Variants in ZNF560 observed in about 807,000 individuals in gnomAD.
ZNF560 encodes zinc finger protein 560.
Under a neutral mutation model 81.8 loss-of-function variants are expected in ZNF560, and 54 were observed. That is an observed-to-expected ratio of 0.66 (90% CI 0.53 to 0.83). The LOEUF (loss-of-function observed/expected upper bound fraction) is 0.83. Among genes scored for constraint, ZNF560 ranks in the 40% least tolerant of loss-of-function variants. The pLI, the probability that ZNF560 is intolerant of heterozygous loss-of-function variation, is 0.00. For missense variants in ZNF560, 940 were observed against 932.4 expected (o/e 1.01, Z -0.11); for synonymous variants, 321 against 317.9 (o/e 1.01, Z -0.10).
the ZNF560 span, among the ~76,000 whole-genome samples, chr19:9,460,308 A>G: frequency 6.6e-6 from 1 of 152,360 alleles, no homozygotes; most frequent in South Asian, 2.1e-4. Context: ...ATGGTGGAAG[A>G]AAACCTGAGG....
the ZNF560 span, among the ~76,000 whole-genome samples, chr19:9,506,147 C>T: frequency 6.6e-6 from 1 of 150,792 alleles, no homozygotes; most frequent in African/African-American, 2.4e-5. Context: ...TACGCACCAC[C>T]ACGCCTGGGT....
the ZNF560 span, among the ~76,000 whole-genome samples, chr19:9,460,741 T>C: frequency 6.6e-6 from 1 of 152,206 alleles, no homozygotes. Flanking sequence ...GCTCCTCTAA[T>C]TGAGGCATAC....
At chr19:9,447,595 A>G in the ZNF560 span, among the ~76,000 whole-genome samples, 1 of 152,124 alleles carries the variant, frequency 6.6e-6, no homozygotes, top group African/African-American at 2.4e-5. Flanking sequence ...AAGCTTCATC[A>G]ACAGACTACA....
chr19:9,464,606 A>G (rs2072986545), downstream of ZNF560, among the ~76,000 whole-genome samples: 2 of 152,210 alleles, frequency 1.3e-5, no homozygotes, highest in South Asian at 4.1e-4. Flanking sequence ...TATAACTTTT[A>G]CCTTGGCCAG....
At chr19:9,459,828 C>A in the ZNF560 span, among the ~76,000 whole-genome samples, 1 of 152,124 alleles carries the variant, frequency 6.6e-6, no homozygotes, top group Non-Finnish European at 1.5e-5. Flanking sequence ...ATGCCCTGGG[C>A]TTAGACTGTA....
the ZNF560 span, among the ~76,000 whole-genome samples, chr19:9,455,835 A>G: frequency 3.9e-5 from 6 of 152,160 alleles, no homozygotes; most frequent in African/African-American, 1.4e-4. Flanking sequence ...AATGCAAGCC[A>G]TGGGAGGACT....
chr19:9,461,352 C>T, the ZNF560 span, among the ~76,000 whole-genome samples: 1 of 152,166 alleles, frequency 6.6e-6, no homozygotes, highest in Non-Finnish European at 1.5e-5. Flanking sequence ...GCAGTGAGAG[C>T]TCAAGAAGGA....
chr19:9,485,197 C>T (rs55966814), intron 2 of ZNF560, among the ~76,000 whole-genome samples: 11 of 152,166 alleles, frequency 7.2e-5, no homozygotes, highest in Non-Finnish European at 1.5e-4. Context: ...TGAAATTATT[C>T]CAAAAAACTG....
chr19:9,477,409 A>C (rs2073219462), intron 2 of ZNF560, among the ~76,000 whole-genome samples: 1 of 152,204 alleles, frequency 6.6e-6, no homozygotes, highest in South Asian at 2.1e-4. Context: ...AATGACTGCC[A>C]TATAAAGGAC....
At chr19:9,504,850 G>A in the ZNF560 span, among the ~76,000 whole-genome samples, 1 of 152,118 alleles carries the variant, frequency 6.6e-6, no homozygotes, top group South Asian at 2.1e-4. Context: ...ACTCTGGGAG[G>A]CCAAGGAGGG....
intron 2 of ZNF560, among the ~76,000 whole-genome samples, chr19:9,476,344 G>A (rs778406744): frequency 5.3e-5 from 8 of 152,074 alleles, no homozygotes; most frequent in Non-Finnish European, 1.0e-4. Flanking sequence ...CCAGGCTGGA[G>A]TGCAATGGCG....
intron 9 of ZNF560, 77 bp downstream of exon 9, chr19:9,469,028 A>G (rs2073081114): frequency 8.3e-7 from 1 of 1,210,058 alleles, no homozygotes; most frequent in South Asian, 1.4e-5. Context: ...GTGCCTGGCC[A>G]TTTCTGCTGA....
At chr19:9,494,358 A>G (rs2073522701) in intron 2 of ZNF560, among the ~76,000 whole-genome samples, 2 of 152,214 alleles carry the variant, frequency 1.3e-5, no homozygotes, top group Non-Finnish European at 1.5e-5. Flanking sequence ...ATTCACGATC[A>G]TATCTGCTAG....
chr19:9,457,611 T>C, the ZNF560 span, among the ~76,000 whole-genome samples: 1 of 152,202 alleles, frequency 6.6e-6, no homozygotes, highest in East Asian at 1.9e-4. Flanking sequence ...GAATTCAATT[T>C]CTCATGCCAG....
At chr19:9,450,162 G>C in the ZNF560 span, among the ~76,000 whole-genome samples, 1 of 150,746 alleles carries the variant, frequency 6.6e-6, no homozygotes, top group Non-Finnish European at 1.5e-5. Flanking sequence ...GCAGTGGCAG[G>C]CGCCTGTAAT....
chr19:9,491,900 A>C lies in ZNF560; in HGVS notation c.-57+6228T>G, dbSNP rs754293258. ...TATGGACTTCCATTTACCAAAGCTA[A>C]TGCAGCTAATGCTACTGCTAGGTGC... On this transcript the variant is annotated intron_variant, in intron 2 of 9. Coordinates refer to ENST00000301480, the MANE Select transcript of ZNF560 (RefSeq NM_152476.3). 3.7e-4 allele frequency among the ~76,000 whole-genome samples: 56 copies of C among 151,236 alleles called. 1 individual carries two copies. Among genetic ancestry groups the C allele is most frequent in the Non-Finnish European group, 6.8e-4 (46 of 67,940 alleles).
intron 7 of ZNF560, 115 bp downstream of exon 7, chr19:9,470,277 C>A: frequency 7.1e-7 from 1 of 1,402,020 alleles, no homozygotes; most frequent in Non-Finnish European, 9.6e-7. Flanking sequence ...AATTTTTTTT[C>A]AGTGTGTATA....
intron 8 of ZNF560, 71 bp from the exon 9 acceptor site, chr19:9,469,258 A>G: frequency 8.4e-7 from 1 of 1,194,678 alleles, no homozygotes; most frequent in East Asian, 2.6e-5. Context: ...AAGCAGATAG[A>G]TTTGAACAAT....
intron 2 of ZNF560, among the ~76,000 whole-genome samples, chr19:9,491,784 C>A (rs1271028118): frequency 3.6e-5 from 4 of 111,220 alleles, no homozygotes; most frequent in African/African-American, 1.5e-4. Flanking sequence ...CGAGATCCTG[C>A]CACTGCACTC....
Sources: allele counts gnomAD v4.1 joint callset (sites outside exome capture counted in the v4.1 genomes callset), GRCh38; gene constraint gnomAD v4.1.1; transcripts MANE v1.5; gene names NCBI Gene and HGNC (gene_info 2026-07-23, HGNC 2026-07-21).